Variants in ENPP3 observed in about 807,000 individuals in gnomAD.
The protein encoded by ENPP3 is ectonucleotide pyrophosphatase/phosphodiesterase 3, also known as ectonucleotide pyrophosphatase/phosphodiesterase family member 3.
In ENPP3, 104 loss-of-function variants were observed where a neutral mutation model predicts 117.8. The ratio of observed to expected loss-of-function variants is 0.88; its 90% confidence interval spans 0.75 to 1.04. The LOEUF (loss-of-function observed/expected upper bound fraction) is 1.04, where lower values mean the gene tolerates loss of function less well. Ranked by LOEUF, ENPP3 falls within the 50% of genes least tolerant of loss-of-function variation. The pLI is 0.00. For missense variants in ENPP3, 1,026 were observed against 1,051.9 expected, an observed-to-expected ratio of 0.98 and a Z score of 0.34; for synonymous variants, 380 against 349.9, an observed-to-expected ratio of 1.09 and a Z score of -0.96.
At chr6:131,653,435 A>G (rs1475393492) in intron 5 of ENPP3, among the ~76,000 whole-genome samples, 2 of 151,130 alleles carry the variant, frequency 1.3e-5, no homozygotes, top group Non-Finnish European at 2.9e-5. Flanking sequence ...GGCATGAGCC[A>G]CTCTACCCAG....
chr6:131,683,164 T>A lies in ENPP3; in HGVS notation c.1120+2T>A. 6.6e-7 allele frequency: 1 copy of A among 1,519,486 alleles called. No homozygotes were observed. The highest frequency in any genetic ancestry group is 9.1e-7 in the Non-Finnish European group (1 of 1,100,176). The allele number at this position is 1,519,486 out of a possible 1,614,324, so 94.1% of individuals were successfully genotyped here. ...ATATCATCCTTCTGGCTGACCATGG[T>A]ATGCTTTTAAAAAACATTCTTATTT... On this transcript the variant is annotated splice_donor_variant, in intron 12 of 24. Coordinates refer to ENST00000357639, the MANE Select transcript of ENPP3 (RefSeq NM_005021.5). LOFTEE classifies it high-confidence loss of function.
chr6:131,708,621 G>A, intron 15 of ENPP3: 1 of 1,563,490 alleles, frequency 6.4e-7, no homozygotes, highest in South Asian at 1.2e-5. Context: ...CTGTGGTTCT[G>A]GATGTCCAGT....
intron 15 of ENPP3, chr6:131,710,072 T>C: frequency 6.2e-7 from 1 of 1,613,550 alleles, no homozygotes; most frequent in African/African-American, 1.3e-5. Context: ...ATCAGTTTCT[T>C]CAAAGCTCCT....
chr6:131,653,050 A>G (rs1263804100), intron 5 of ENPP3, among the ~76,000 whole-genome samples, 159 bp downstream of exon 5: 2 of 152,208 alleles, frequency 1.3e-5, no homozygotes, highest in African/African-American at 4.8e-5. Flanking sequence ...TCCAAGTTCT[A>G]ATGGACTTTT....
At chr6:131,638,638 C>A in intron 1 of ENPP3, 1 of 319,984 alleles carries the variant, frequency 3.1e-6, no homozygotes, top group Non-Finnish European at 6.0e-6. Context: ...GTTGCCCAGG[C>A]TGGTCTCAAA....
intron 11 of ENPP3, among the ~76,000 whole-genome samples, chr6:131,680,156 C>T (rs572156832): frequency 2.2e-4 from 34 of 152,076 alleles, no homozygotes; most frequent in African/African-American, 3.6e-4. Flanking sequence ...TTAGCTTTCC[C>T]AACATTCCAG....
rs1287297647 is a variant in ENPP3 at position 131,641,549 on chromosome 6, T to G, written c.154+19T>G. The stretch of plus-strand genomic sequence containing the variant: ...AAGCAAGGTATACCCCTCAGCCTTT[T>G]CTCAGAACATTCCCTTATTTCTTCT... On this transcript the variant is annotated intron_variant, in intron 2 of 24. Transcript: ENST00000357639. 1 of 1,476,162 alleles carries G rather than the reference T, an allele frequency of 6.8e-7. No homozygotes were observed. Among genetic ancestry groups the G allele is most frequent in the East Asian group, 2.3e-5 (1 of 44,176 alleles). The allele number at this position is 1,476,162 out of a possible 1,614,324, so 91.4% of individuals were successfully genotyped here.
chr6:131,664,933 C>T (rs1298711465), intron 6 of ENPP3, among the ~76,000 whole-genome samples: 2 of 152,076 alleles, frequency 1.3e-5, no homozygotes, highest in Admixed American at 6.5e-5. Flanking sequence ...GACTGTATTC[C>T]TAGTTTGTTG....
At position 131,737,428 on chromosome 6, in the gene ENPP3, C is replaced by G. The variant is rs77610153; in HGVS notation, c.2163C>G (p.Phe721Leu). The G allele has an allele frequency of 2.7e-3, 4,169 of 1,532,802 alleles. 95 individuals carry two copies. The African/African-American group carries it at 0.05, about 18-fold the overall frequency. 95.0% of individuals were successfully genotyped at this position (1,532,802 alleles called of 1,614,324 possible). A position where few individuals can be genotyped will look rare whatever the true frequency, so the allele number is the denominator to read the frequency against. ...TSNLVPMYEEFRKMWDYFHSV... is the reference protein window; with the variant it reads ...TSNLVPMYEELRKMWDYFHSV... ...ATTTGGTACCTATGTATGAAGAATT[C>G]AGAAGTAAGTATGAATTTAGAGTAT... is the stretch of plus-strand genomic sequence containing the variant. Residue 721 changes from phenylalanine to leucine, a missense_variant, in exon 22 of 25, where the codon TTC becomes TTG. Transcript: ENST00000357639.
Position 131,674,162 on chromosome 6 carries a change from G to T in ENPP3, c.643G>T (p.Gly215Cys). The T allele has an allele frequency of 2.6e-6, 4 of 1,517,640 alleles. No homozygotes were observed. Among genetic ancestry groups the T allele is most frequent in the Non-Finnish European group, 3.6e-6 (4 of 1,097,770 alleles). The allele number at this position is 1,517,640 out of a possible 1,614,324, so 94.0% of individuals were successfully genotyped here. Residue 215 changes from glycine (G) to cysteine (C), a missense_variant and splice_region_variant, in exon 8 of 25, where the codon GGC becomes TGC. By Grantham distance (159) the Gly-to-Cys change is radical. Coordinates refer to ENST00000357639, the MANE Select transcript of ENPP3 (RefSeq NM_005021.5). ...TFPNHYTIVTGLYPESHGIID... is the reference protein window; with the variant it reads ...TFPNHYTIVTCLYPESHGIID... ...ATCTTTTTTGAAATTATCATTTTAG[G>T]GCTTGTATCCAGAGTCACATGGCAT...
intron 15 of ENPP3, among the ~76,000 whole-genome samples, chr6:131,696,432 G>A (rs73554703): frequency 0.021 from 3,135 of 152,300 alleles, 104 homozygotes; most frequent in African/African-American, 0.073. Flanking sequence ...AGGAGCATCA[G>A]AGAATGCTTC....
At chr6:131,719,281 G>A (rs1779963193) in intron 16 of ENPP3, among the ~76,000 whole-genome samples, 1 of 151,714 alleles carries the variant, frequency 6.6e-6, no homozygotes, top group Non-Finnish European at 1.5e-5. Flanking sequence ...ACTGAAAAGG[G>A]CCAAAATTGG....
At position 131,677,874 on chromosome 6, in the gene ENPP3, G is replaced by C. The variant is rs953548271; in HGVS notation, c.945G>C (p.Arg315Ser). ...GTTTCAATTTTACCCCTAGACCCAG[G>C]TTTTATACCATGTATTTTGAAGAAC... Reference protein sequence around the residue: ...WLDLPKAERPRFYTMYFEEPD... With the variant: ...WLDLPKAERPSFYTMYFEEPD... The change falls in exon 11 of 25, where the codon AGG becomes AGC. Residue 315 changes from arginine (R) to serine (S), a missense_variant. By Grantham distance (110) the Arg-to-Ser change is moderately radical. Transcript: ENST00000357639. 10 of 1,603,012 alleles carry C rather than the reference G, an allele frequency of 6.2e-6. No individual in the cohort carries two copies. The highest frequency in any genetic ancestry group is 8.5e-6 in the Non-Finnish European group (10 of 1,170,380).
At chr6:131,692,958 A>C (rs1779317690) in intron 14 of ENPP3, among the ~76,000 whole-genome samples, 1 of 145,058 alleles carries the variant, frequency 6.9e-6, no homozygotes, top group Non-Finnish European at 1.5e-5. Context: ...TATACACTAT[A>C]TATGATATAT....
At chr6:131,717,352 GTGTGTGTGTGT>G (rs886670578) in intron 15 of ENPP3, among the ~76,000 whole-genome samples, 6 of 13,520 alleles carry the variant, frequency 4.4e-4, no homozygotes, top group African/African-American at 8.2e-4. Context: ...CCTGCGGGGG[GTGTGTGTGTGT>G]GTGTGTGTGT....
At chr6:131,739,593 CTTTTT>C (rs71270397) in intron 23 of ENPP3, among the ~76,000 whole-genome samples, 6 of 87,462 alleles carry the variant, frequency 6.9e-5, no homozygotes, top group South Asian at 4.5e-4. Context: ...TCATGCTCTG[CTTTTT>C]TTTTTTTTTT....
intron 15 of ENPP3, among the ~76,000 whole-genome samples, chr6:131,717,104 C>G (rs1156486338): frequency 6.6e-6 from 1 of 152,136 alleles, no homozygotes; most frequent in African/African-American, 2.4e-5. Context: ...CAGGACTTGT[C>G]TTGCTTTCCC....
chr6:131,717,996 GT>G (rs1451940753), intron 15 of ENPP3, among the ~76,000 whole-genome samples: 2 of 152,288 alleles, frequency 1.3e-5, no homozygotes, highest in Admixed American at 1.3e-4. Context: ...CATAGCCCAG[GT>G]GCGTAGAAGG....
chr6:131,725,704 C>T (rs2114540532), intron 19 of ENPP3, among the ~76,000 whole-genome samples: 1 of 152,208 alleles, frequency 6.6e-6, no homozygotes, highest in African/African-American at 2.4e-5. Flanking sequence ...AAGGTTTTAC[C>T]TCTTCATGTA....
Sources: allele counts gnomAD v4.1 joint callset (sites outside exome capture counted in the v4.1 genomes callset), GRCh38; gene constraint gnomAD v4.1.1; transcripts MANE v1.5; gene names NCBI Gene and HGNC (gene_info 2026-07-23, HGNC 2026-07-21).